RAB3GAP1: variants seen among roughly 807,000 people sequenced by gnomAD.
RAB3GAP1 encodes RAB3 GTPase activating protein catalytic subunit 1.
In RAB3GAP1, 86 loss-of-function variants were observed where a neutral mutation model predicts 130.7. The observed-to-expected ratio is 0.66, with a 90% CI of 0.55 to 0.79. The LOEUF (loss-of-function observed/expected upper bound fraction) is 0.79, where lower values mean the gene tolerates loss of function less well. RAB3GAP1 is among the 30% of genes least tolerant of loss of function. RAB3GAP1 has a pLI of 0.00. For synonymous variants in RAB3GAP1, 367 were observed against 401.7 expected (o/e 0.91, Z 1.03); for missense variants, 1,029 against 1,169.4 (o/e 0.88, Z 1.75).
chr2:135,161,397 AAGC>A lies in RAB3GAP1; in HGVS notation c.2290-1156_2290-1154del, dbSNP rs1320240576. ...GAATATCAAAATACTGAATGAAAAA[AAGC>A]AAGTCACTGAGGGCTATAAACAGAA... On this transcript the variant is annotated intron_variant, in intron 19 of 23. Transcript: ENST00000264158. Among the ~76,000 whole-genome samples the A allele has an allele frequency of 7.2e-5, 11 of 152,326 alleles. 1 individual carries two copies. The highest frequency in any genetic ancestry group is 7.2e-4 in the Admixed American group (11 of 15,310).
intron 2 of RAB3GAP1, among the ~76,000 whole-genome samples, chr2:135,053,538 T>C (rs555586134): frequency 1.3e-5 from 2 of 152,206 alleles, no homozygotes; most frequent in African/African-American, 4.8e-5. Context: ...GTTACAGCAT[T>C]TTATAATCTT....
intron 17 of RAB3GAP1, among the ~76,000 whole-genome samples, chr2:135,142,167 C>T (rs1178591003): frequency 6.6e-6 from 1 of 152,058 alleles, no homozygotes; most frequent in East Asian, 1.9e-4. Flanking sequence ...AATATTGAGT[C>T]CATTAAATAT....
intron 3 of RAB3GAP1, among the ~76,000 whole-genome samples, chr2:135,085,917 C>T (rs993639393): frequency 2.0e-5 from 3 of 152,134 alleles, no homozygotes; most frequent in Admixed American, 2.0e-4. Flanking sequence ...AGAAAGATTG[C>T]TTGTTTCTCA....
chr2:135,066,833 G>A (rs1348335571), intron 3 of RAB3GAP1, among the ~76,000 whole-genome samples: 1 of 152,100 alleles, frequency 6.6e-6, no homozygotes, highest in Non-Finnish European at 1.5e-5. Flanking sequence ...TTAATGAAAT[G>A]TTAAGTTTAG....
chr2:135,128,765 A>G (rs1281041311), intron 11 of RAB3GAP1, among the ~76,000 whole-genome samples: 1 of 152,242 alleles, frequency 6.6e-6, no homozygotes, highest in Admixed American at 6.5e-5. Context: ...TACTTGATGT[A>G]TCTTAGTACT....
chr2:135,093,786 A>C, intron 5 of RAB3GAP1, 93 bp downstream of exon 5: 5 of 994,642 alleles, frequency 5.0e-6, no homozygotes, highest in Non-Finnish European at 8.1e-6. Flanking sequence ...AAGAAGACTC[A>C]GAGGACTCAG....
At chr2:135,073,407 C>T (rs1445197100) in intron 3 of RAB3GAP1, among the ~76,000 whole-genome samples, 2 of 152,164 alleles carry the variant, frequency 1.3e-5, no homozygotes, top group African/African-American at 4.8e-5. Context: ...ATTTGGAAGC[C>T]AGGTAGAGCA....
At position 135,151,589 on chromosome 2, in the gene RAB3GAP1, C is replaced by T. The variant is rs553063908; in HGVS notation, c.2061+1083C>T. On this transcript the variant is annotated intron_variant, in intron 18 of 23. Transcript: ENST00000264158. The stretch of plus-strand genomic sequence containing the variant: ...AAGAGCTATATGTTTTCCTTGGAGA[C>T]TAAAATGATACAGAAAATCTGCAAG... Among the ~76,000 whole-genome samples, 7 of 152,144 alleles carry T rather than the reference C, an allele frequency of 4.6e-5. No individual in the cohort carries two copies. The South Asian group carries it at 1.5e-3, about 32-fold the overall frequency.
At chr2:135,087,203 A>T (rs1373395066) in intron 3 of RAB3GAP1, among the ~76,000 whole-genome samples, 1 of 151,972 alleles carries the variant, frequency 6.6e-6, no homozygotes, top group African/African-American at 2.4e-5. Flanking sequence ...TTCCAGTAGC[A>T]CCTCTGTTGT....
chr2:135,061,211 C>T (rs1689161309), intron 3 of RAB3GAP1, among the ~76,000 whole-genome samples: 1 of 152,084 alleles, frequency 6.6e-6, no homozygotes, highest in African/African-American at 2.4e-5. Flanking sequence ...GTTTCTTTCA[C>T]TTGTCCACAT....
chr2:135,062,987 C>A (rs1689220249), intron 3 of RAB3GAP1, among the ~76,000 whole-genome samples: 1 of 152,156 alleles, frequency 6.6e-6, no homozygotes, highest in Non-Finnish European at 1.5e-5. Context: ...TACTTTCTTT[C>A]CAATTTTTAT....
At chr2:135,165,191 T>C (rs369886081) in intron 23 of RAB3GAP1, 1 of 455,926 alleles carries the variant, frequency 2.2e-6, no homozygotes. Flanking sequence ...TTTTTAGGGC[T>C]GTGGAAACAG....
rs760475690 is a variant in RAB3GAP1 at position 135,163,144 on chromosome 2, A to T, written c.2606+43A>T. On this transcript the variant is annotated intron_variant, in intron 22 of 23. Coordinates refer to ENST00000264158, the MANE Select transcript of RAB3GAP1 (RefSeq NM_012233.3). ...AATTCAGTTTTGTCTGCAGTAGGAA[A>T]AGCCACCACTCTCTTAAGAAAAATT... is the stretch of plus-strand genomic sequence containing the variant. 1.3e-5 allele frequency: 17 copies of T among 1,336,728 alleles called. 2 individuals carry two copies. The South Asian group carries it at 1.9e-4, about 15-fold the overall frequency. The allele number at this position is 1,336,728 out of a possible 1,614,324, so 82.8% of individuals were successfully genotyped here. A position where few individuals can be genotyped will look rare whatever the true frequency, so the allele number is the denominator to read the frequency against.
intron 17 of RAB3GAP1, among the ~76,000 whole-genome samples, chr2:135,144,165 G>GT (rs1181432956): frequency 6.6e-6 from 1 of 152,186 alleles, no homozygotes; most frequent in Non-Finnish European, 1.5e-5. Flanking sequence ...GTTACAGCTT[G>GT]TACCCACATT....
chr2:135,126,222 G>A lies in RAB3GAP1; in HGVS notation c.872G>A (p.Gly291Glu). ...ACTACATGGCCTCATCTGACCGAAG[G>A]GATCATTGTGGATAATGATGTTTAT... is the stretch of plus-strand genomic sequence containing the variant. Reference protein sequence around the residue: ...LATTWPHLTEGIIVDNDVYSD... With the variant: ...LATTWPHLTEEIIVDNDVYSD... Residue 291 changes from glycine (G) to glutamate (E), a missense_variant, in exon 10 of 24, where the codon GGG becomes GAG. Physicochemically the swap from Gly to Glu is moderately conservative, Grantham distance 98 (BLOSUM62 -2). Transcript: ENST00000264158. 1 of 1,612,998 alleles carries A rather than the reference G, an allele frequency of 6.2e-7. No individual in the cohort carries two copies. Among genetic ancestry groups the A allele is most frequent in the Non-Finnish European group, 8.5e-7 (1 of 1,179,310 alleles).
At chr2:135,107,073 C>A in intron 5 of RAB3GAP1, among the ~76,000 whole-genome samples, 1 of 141,018 alleles carries the variant, frequency 7.1e-6, no homozygotes. Context: ...GAGGGCAGTG[C>A]AATGACACAA....
chr2:135,123,016 A>G (rs1378578743), intron 8 of RAB3GAP1, among the ~76,000 whole-genome samples: 2 of 152,192 alleles, frequency 1.3e-5, no homozygotes, highest in African/African-American at 4.8e-5. Flanking sequence ...GGTTTGAGCC[A>G]CCGTGCCCAG....
At chr2:135,071,347 A>G (rs1410156533) in intron 3 of RAB3GAP1, among the ~76,000 whole-genome samples, 1 of 152,164 alleles carries the variant, frequency 6.6e-6, no homozygotes, top group African/African-American at 2.4e-5. Flanking sequence ...TTATTAATTT[A>G]TTTAAAATAT....
chr2:135,129,326 CCTGT>C (rs1051682846), intron 11 of RAB3GAP1, among the ~76,000 whole-genome samples: 6 of 151,330 alleles, frequency 4.0e-5, no homozygotes, highest in African/African-American at 1.5e-4. Flanking sequence ...GTTGTGGGTG[CCTGT>C]AGTCCCAGCT....
Sources: gnomAD v4.1 joint callset for allele counts (sites outside exome capture counted in the v4.1 genomes callset) on GRCh38, gnomAD v4.1.1 for gene constraint, MANE v1.5 for transcripts, NCBI Gene and HGNC (gene_info 2026-07-23, HGNC 2026-07-21) for gene names.